The following RSBN1L variants were observed in gnomAD, a reference collection of about 807,000 sequenced individuals.
RSBN1L encodes round spermatid basic protein 1 like, also known as lysine-specific demethylase RSBN1L.
RSBN1L carries 30 observed loss-of-function variants against 67.7 expected under a neutral mutation model. The ratio of observed to expected loss-of-function variants is 0.44; its 90% CI spans 0.33 to 0.60. The LOEUF (loss-of-function observed/expected upper bound fraction) is 0.60. RSBN1L is among the 20% of genes least tolerant of loss of function. RSBN1L has a pLI of 0.02. For missense variants in RSBN1L, 992 were observed against 1,031.7 expected, an observed-to-expected ratio of 0.96 and a Z score of 0.53; for synonymous variants, 433 against 387.0, an observed-to-expected ratio of 1.12 and a Z score of -1.39.
At chr7:77,734,195 A>G (rs943073991) in intron 1 of RSBN1L, among the ~76,000 whole-genome samples, 6 of 152,208 alleles carry the variant, frequency 3.9e-5, no homozygotes, top group Non-Finnish European at 8.8e-5. Flanking sequence ...GAGTACCTTT[A>G]GGGGTGCTAT....
At chr7:77,717,985 C>T (rs185592741) in intron 1 of RSBN1L, among the ~76,000 whole-genome samples, 3 of 152,326 alleles carry the variant, frequency 2.0e-5, no homozygotes, top group Admixed American at 6.5e-5. Context: ...TGCTGCTGCA[C>T]TCCAGTCGGG....
chr7:77,746,123 A>G (rs780203635), intron 2 of RSBN1L, among the ~76,000 whole-genome samples: 11 of 152,160 alleles, frequency 7.2e-5, no homozygotes, highest in South Asian at 4.1e-4. Flanking sequence ...GGATGCCTGC[A>G]TTAAAGGATA....
At chr7:77,698,368 T>C (rs1201726414) in intron 1 of RSBN1L, among the ~76,000 whole-genome samples, 7 of 152,370 alleles carry the variant, frequency 4.6e-5, no homozygotes, top group African/African-American at 1.7e-4. Flanking sequence ...CTATTTTGTT[T>C]TAACAATTTA....
intron 1 of RSBN1L, among the ~76,000 whole-genome samples, 194 bp from the exon 2 acceptor site, chr7:77,736,216 T>G (rs557293431): frequency 1.1e-3 from 164 of 152,268 alleles, no homozygotes; most frequent in African/African-American, 3.8e-3. Flanking sequence ...TTTGACAATA[T>G]GTATTTCATA....
chr7:77,727,917 G>C (rs1213968000), intron 1 of RSBN1L, among the ~76,000 whole-genome samples: 1 of 152,108 alleles, frequency 6.6e-6, no homozygotes, highest in East Asian at 1.9e-4. Flanking sequence ...TCATTTTTGT[G>C]TAGTTAAAAA....
At chr7:77,764,612 A>AT in intron 3 of RSBN1L, among the ~76,000 whole-genome samples, 1 of 151,816 alleles carries the variant, frequency 6.6e-6, no homozygotes. Flanking sequence ...AGGATTCCTG[A>AT]TTCTTAATTT....
intron 5 of RSBN1L, among the ~76,000 whole-genome samples, chr7:77,770,299 T>TG (rs1422576765): frequency 2.0e-5 from 3 of 152,206 alleles, no homozygotes; most frequent in African/African-American, 7.2e-5. Context: ...TGCTTGAGCC[T>TG]GGGAGATAGA....
chr7:77,736,547 T>A, intron 2 of RSBN1L, 21 bp downstream of exon 2: 2 of 1,268,996 alleles, frequency 1.6e-6, no homozygotes. Context: ...TTCAGTGATT[T>A]TAGTTCTACT....
At chr7:77,701,653 CTT>C (rs36070602) in intron 1 of RSBN1L, among the ~76,000 whole-genome samples, 292 of 127,844 alleles carry the variant, frequency 2.3e-3, no homozygotes, top group Non-Finnish European at 2.5e-3. Context: ...CTGAATTTTA[CTT>C]TTTTTTTTTT....
chr7:77,725,264 T>TTTG lies in RSBN1L; in HGVS notation c.587-11145_587-11144insTGT, dbSNP rs1479526886. ...CCCCACTTTTTTTTTTTTTTTTTTT[T>TTTG]TGAGATGGAATTTTGCTCTTGTGGC... On this transcript the variant is annotated intron_variant, in intron 1 of 7. Coordinates refer to ENST00000334955, the MANE Select transcript of RSBN1L (RefSeq NM_198467.3). 1.4e-3 allele frequency among the ~76,000 whole-genome samples: 203 copies of TTTG among 143,214 alleles called. 3 individuals carry two copies. The highest frequency in any genetic ancestry group is 2.5e-3 in the Non-Finnish European group (160 of 65,302). 94.0% of individuals were successfully genotyped at this position (143,214 alleles called of 152,430 possible).
rs1444951447 is a variant in RSBN1L at position 77,697,051 on chromosome 7, C to A, written c.582C>A (p.Pro194=). The A allele has an allele frequency of 6.8e-7, 1 of 1,476,362 alleles. No individual in the cohort carries two copies. The highest frequency in any genetic ancestry group is 9.0e-7 in the Non-Finnish European group (1 of 1,116,130). 91.5% of individuals were successfully genotyped at this position (1,476,362 alleles called of 1,614,324 possible). A position where few individuals can be genotyped will look rare whatever the true frequency, so the allele number is the denominator to read the frequency against. Residue 194 remains proline, a synonymous_variant, in exon 1 of 8, where the codon CCC becomes CCA. Coordinates refer to ENST00000334955, the MANE Select transcript of RSBN1L (RefSeq NM_198467.3). ...REENGEVKPL[P]RDKIKDKIKE... is the part of the protein sequence containing the mutation. ...AGAACGGGGAGGTGAAGCCGCTGCC[C>A]CGAGGTGGGTGCCGTGCGGGGAGGG... is the stretch of plus-strand genomic sequence containing the variant.
At chr7:77,729,895 A>T (rs1484346629) in intron 1 of RSBN1L, among the ~76,000 whole-genome samples, 1 of 152,194 alleles carries the variant, frequency 6.6e-6, no homozygotes, top group Non-Finnish European at 1.5e-5. Context: ...TCAAGGCTGC[A>T]GTGAGCTGTG....
At chr7:77,704,605 T>C (rs968334054) in intron 1 of RSBN1L, among the ~76,000 whole-genome samples, 1 of 152,208 alleles carries the variant, frequency 6.6e-6, no homozygotes, top group African/African-American at 2.4e-5. Flanking sequence ...TTAAAGCATA[T>C]TCCAGACATA....
intron 1 of RSBN1L, among the ~76,000 whole-genome samples, chr7:77,726,844 G>A (rs1188979332): frequency 7.1e-6 from 1 of 141,326 alleles, no homozygotes; most frequent in Non-Finnish European, 1.5e-5. Context: ...GCAGTGGTGC[G>A]ATCTCGGCTC....
intron 3 of RSBN1L, among the ~76,000 whole-genome samples, chr7:77,760,920 C>T (rs1384341466): frequency 2.6e-5 from 4 of 152,184 alleles, no homozygotes; most frequent in Admixed American, 6.5e-5. Context: ...ACAGGCGTGA[C>T]GCCTGGCGTA....
intron 1 of RSBN1L, among the ~76,000 whole-genome samples, chr7:77,729,930 T>C (rs1791252855): frequency 6.6e-6 from 1 of 152,282 alleles, no homozygotes; most frequent in East Asian, 1.9e-4. Flanking sequence ...CTCCAGTCCA[T>C]GTGACAGAGC....
intron 5 of RSBN1L, among the ~76,000 whole-genome samples, chr7:77,771,086 C>T (rs1449683327): frequency 3.3e-5 from 5 of 152,022 alleles, no homozygotes; most frequent in African/African-American, 1.2e-4. Flanking sequence ...GGACTACAGG[C>T]GCACGCCACC....
chr7:77,711,237 T>C (rs1790969259), intron 1 of RSBN1L, among the ~76,000 whole-genome samples: 1 of 152,132 alleles, frequency 6.6e-6, no homozygotes, highest in South Asian at 2.1e-4. Context: ...CAAATTGAGT[T>C]ATCAGAATTG....
intron 2 of RSBN1L, among the ~76,000 whole-genome samples, chr7:77,744,307 A>G (rs1420704537): frequency 1.3e-5 from 2 of 152,162 alleles, no homozygotes; most frequent in Non-Finnish European, 2.9e-5. Context: ...ACATGCTGGG[A>G]TTACAGGTGT....
Sources: gnomAD v4.1 joint callset for allele counts (sites outside exome capture counted in the v4.1 genomes callset) on GRCh38, gnomAD v4.1.1 for gene constraint, MANE v1.5 for transcripts, NCBI Gene and HGNC (gene_info 2026-07-23, HGNC 2026-07-21) for gene names.